Variants in ATP2B4 observed in about 807,000 individuals in gnomAD.
The protein encoded by ATP2B4 is ATPase plasma membrane Ca2+ transporting 4, also known as plasma membrane calcium-transporting ATPase 4.
A neutral mutation model predicts 110.3 loss-of-function variants in ATP2B4; 39 were observed. That is an observed-to-expected ratio of 0.35 (90% CI 0.27 to 0.46). The LOEUF (loss-of-function observed/expected upper bound fraction) is 0.46, where lower values mean the gene tolerates loss of function less well. Among genes scored for constraint, ATP2B4 ranks in the 20% least tolerant of loss-of-function variants. The probability of loss-of-function intolerance (pLI) is 1.00; values close to 1 mark genes in which losing one functional copy is unlikely to be tolerated. For missense variants in ATP2B4, 1,135 were observed against 1,530.9 expected, an observed-to-expected ratio of 0.74 and a Z score of 4.32; for synonymous variants, 538 against 571.7, an observed-to-expected ratio of 0.94 and a Z score of 0.84.
intron 10 of ATP2B4, 138 bp from the exon 11 acceptor site, chr1:203,709,163 A>T (rs1571747988): frequency 8.0e-7 from 1 of 1,248,906 alleles, no homozygotes. Flanking sequence ...TCTCCAAAAA[A>T]GAAAAAAAAA....
In ATP2B4 at chr1:203,701,852, C is replaced by T. The variant is rs768009400; in HGVS notation, c.902-192C>T. ...TACATGAGCGTTTTGGTGGATATCC[C>T]GAGGATTCATGACAGCCTCTAGCAA... On this transcript the variant is annotated intron_variant, in intron 6 of 20. Coordinates refer to ENST00000357681, the MANE Select transcript of ATP2B4 (RefSeq NM_001684.5). Among the ~76,000 whole-genome samples, 18 of 152,094 alleles carry T rather than the reference C, an allele frequency of 1.2e-4. No individual in the cohort carries two copies. In the South Asian group the frequency reaches 1.2e-3, roughly 11 times the overall value.
At position 203,699,557 on chromosome 1, in the gene ATP2B4, G is replaced by A. The variant is rs938991304; in HGVS notation, c.489G>A (p.Val163=). 15 of 1,614,062 alleles carry A rather than the reference G, an allele frequency of 9.3e-6. No individual in the cohort carries two copies. Among genetic ancestry groups the A allele is most frequent in the African/African-American group, 5.3e-5 (4 of 74,912 alleles). The change falls in exon 4 of 21, where the codon GTG becomes GTA. Residue 163 remains valine, a synonymous_variant. Transcript: ENST00000357681. ...TCCTTTTCTCAGTGATCATCGTGGTGTTAGTGACTGCCTTTAATGATTGGA... is the reference window on the plus strand; with the variant it reads ...TCCTTTTCTCAGTGATCATCGTGGTATTAGTGACTGCCTTTAATGATTGGA... ...AAILFSVIIV[V]LVTAFNDWSK...
intron 2 of ATP2B4, among the ~76,000 whole-genome samples, chr1:203,692,798 T>C (rs537120760): frequency 3.2e-4 from 49 of 152,320 alleles, no homozygotes; most frequent in Admixed American, 2.4e-3. Context: ...CCCTAGGTCC[T>C]GCACACTCAT....
intron 2 of ATP2B4, among the ~76,000 whole-genome samples, chr1:203,696,237 T>C (rs1665530299): frequency 6.6e-6 from 1 of 152,182 alleles, no homozygotes; most frequent in Admixed American, 6.6e-5. Context: ...CACTCTTGGG[T>C]TCTATTCAGT....
chr1:203,670,862 G>A (rs924968559), intron 1 of ATP2B4, among the ~76,000 whole-genome samples: 1 of 152,144 alleles, frequency 6.6e-6, no homozygotes, highest in Non-Finnish European at 1.5e-5. Flanking sequence ...CCCTTCTCCT[G>A]CCCTCTCTCC....
chr1:203,705,606 A>G (rs959631364), intron 8 of ATP2B4, among the ~76,000 whole-genome samples: 1 of 152,108 alleles, frequency 6.6e-6, no homozygotes, highest in Non-Finnish European at 1.5e-5. Flanking sequence ...TCAAACTCCT[A>G]TCCTCAAGTG....
At chr1:203,694,948 C>T (rs931839744) in intron 2 of ATP2B4, among the ~76,000 whole-genome samples, 1 of 152,070 alleles carries the variant, frequency 6.6e-6, no homozygotes, top group African/African-American at 2.4e-5. Context: ...GAGATGGGGG[C>T]TGGGCATCAA....
At chr1:203,724,553 T>C (rs1406693114) in intron 19 of ATP2B4, among the ~76,000 whole-genome samples, 1 of 151,658 alleles carries the variant, frequency 6.6e-6, no homozygotes, top group Non-Finnish European at 1.5e-5. Flanking sequence ...TTAGCTTCTC[T>C]GAGACAGAAA....
chr1:203,723,305 C>G (rs1666392397), intron 18 of ATP2B4, among the ~76,000 whole-genome samples: 1 of 147,842 alleles, frequency 6.8e-6, no homozygotes, highest in African/African-American at 2.5e-5. Flanking sequence ...GGGTCTCACT[C>G]TGTTGCTCAG....
chr1:203,710,803 A>G, intron 11 of ATP2B4, 74 bp from the exon 12 acceptor site: 1 of 1,225,398 alleles, frequency 8.2e-7, no homozygotes, highest in Non-Finnish European at 1.2e-6. Context: ...GAGTTGCCAA[A>G]ATACCTGTCA....
At position 203,709,691 on chromosome 1, in the gene ATP2B4, C is replaced by T. The variant is rs145786257; in HGVS notation, c.1799+149C>T. On this transcript the variant is annotated intron_variant, in intron 11 of 20. Transcript: ENST00000357681. The stretch of plus-strand genomic sequence containing the variant: ...AATATCCAAGCGTCTACTCAGGCCA[C>T]GCATGTTTTTTAAGTGCTTAAGGTG... 767 of 1,315,210 alleles carry T rather than the reference C, an allele frequency of 5.8e-4. 3 individuals carry two copies. The Middle Eastern group carries it at 0.011, about 20-fold the overall frequency. The allele number at this position is 1,315,210 out of a possible 1,614,324, so 81.5% of individuals were successfully genotyped here. A position where few individuals can be genotyped will look rare whatever the true frequency, so the allele number is the denominator to read the frequency against.
chr1:203,649,930 G>C (rs1307896281), intron 1 of ATP2B4, among the ~76,000 whole-genome samples: 1 of 152,170 alleles, frequency 6.6e-6, no homozygotes, highest in Non-Finnish European at 1.5e-5. Context: ...CGCTAAGTAG[G>C]GTGTGCTCCA....
intron 13 of ATP2B4, 80 bp from the exon 14 acceptor site, chr1:203,713,085 C>T: frequency 6.7e-7 from 1 of 1,485,068 alleles, no homozygotes; most frequent in East Asian, 2.3e-5. Context: ...CCCAGTGACT[C>T]CAAGTGTATG....
intron 10 of ATP2B4, 151 bp downstream of exon 10, chr1:203,708,255 T>A: frequency 8.2e-7 from 1 of 1,224,914 alleles, no homozygotes; most frequent in Non-Finnish European, 1.1e-6. Context: ...TGGGTGAGAC[T>A]ACAGAAAAAT....
intron 11 of ATP2B4, among the ~76,000 whole-genome samples, chr1:203,710,649 A>T (rs540379950): frequency 6.6e-6 from 1 of 152,352 alleles, no homozygotes; most frequent in South Asian, 2.1e-4. Flanking sequence ...GTAAGAACAG[A>T]TGACATGGGA....
At chr1:203,737,493 C>A (rs1329229293) in intron 20 of ATP2B4, among the ~76,000 whole-genome samples, 1 of 152,146 alleles carries the variant, frequency 6.6e-6, no homozygotes, top group Non-Finnish European at 1.5e-5. Flanking sequence ...GGAGAAGGCA[C>A]TGGGTTTGGA....
chr1:203,642,763 TC>T, intron 1 of ATP2B4, among the ~76,000 whole-genome samples: 1 of 151,954 alleles, frequency 6.6e-6, no homozygotes, highest in East Asian at 1.9e-4. Context: ...TTTGAGGGAG[TC>T]TGATGGAACT....
chr1:203,700,104 TG>T (rs2102385403), intron 4 of ATP2B4, 101 bp from the exon 5 acceptor site: 2 of 1,399,472 alleles, frequency 1.4e-6, no homozygotes, highest in Non-Finnish European at 1.9e-6. Context: ...ATAGGGCCCA[TG>T]GGAACAGCCA....
intron 18 of ATP2B4, among the ~76,000 whole-genome samples, chr1:203,723,145 C>A (rs1455730671): frequency 6.6e-6 from 1 of 151,744 alleles, no homozygotes; most frequent in African/African-American, 2.4e-5. Flanking sequence ...GGGATTTGTA[C>A]ATGTATATTA....
Sources: allele counts gnomAD v4.1 joint callset (sites outside exome capture counted in the v4.1 genomes callset), GRCh38; gene constraint gnomAD v4.1.1; transcripts MANE v1.5; gene names NCBI Gene and HGNC (gene_info 2026-07-23, HGNC 2026-07-21).